Variants in KAT14 observed in about 807,000 individuals in gnomAD.
KAT14 encodes the protein cysteine-rich protein 2-binding protein.
A neutral mutation model predicts 78.4 loss-of-function variants in KAT14; 66 were observed. The observed-to-expected ratio is 0.84, with a 90% confidence interval of 0.69 to 1.03. KAT14 has a LOEUF of 1.03. Among genes scored for constraint, KAT14 ranks in the 50% least tolerant of loss-of-function variants. KAT14 has a pLI of 0.00. For synonymous variants in KAT14, 344 were observed against 359.4 expected (o/e 0.96, Z 0.48); for missense variants, 870 against 972.5 (o/e 0.89, Z 1.40).
intron 5 of KAT14, among the ~76,000 whole-genome samples, chr20:18,160,828 A>G (rs1034245539): frequency 2.6e-5 from 4 of 152,122 alleles, no homozygotes; most frequent in Admixed American, 6.5e-5. Context: ...TTTCTACATC[A>G]AAGGGCATAT....
At chr20:18,145,494 TGTGGAGAAGGGA>T in intron 3 of KAT14, 143 bp downstream of exon 3, 1 of 1,296,138 alleles carries the variant, frequency 7.7e-7, no homozygotes, top group Middle Eastern at 2.0e-4. Context: ...ATACCGAATA[TGTGGAGAAGGGA>T]GTGAAAAATA....
At chr20:18,173,233 A>G (rs954586694) in intron 7 of KAT14, among the ~76,000 whole-genome samples, 4 of 152,156 alleles carry the variant, frequency 2.6e-5, no homozygotes, top group Non-Finnish European at 5.9e-5. Flanking sequence ...AACCTTGTGG[A>G]GTGGAGTTTT....
Position 18,161,989 on chromosome 20 carries a change from G to C in KAT14, c.849G>C (p.Arg283Ser), listed in dbSNP as rs751147121. 4 of 1,614,120 alleles carry C rather than the reference G, an allele frequency of 2.5e-6. No homozygotes were observed. The Admixed American group carries it at 5.0e-5, about 20-fold the overall frequency. ...AGGAGGCCGCTGGCTTTCTTGACAG[G>C]AGCACATCTTCTACCCCTGTAAAAT... ...AQKEAAGFLD[R>S]STSSTPVKFI... Residue 283 changes from arginine to serine, a missense_variant, in exon 6 of 11, where the codon AGG (arginine) becomes AGC (serine). By Grantham distance (110) the Arg-to-Ser change is moderately radical. Transcript: ENST00000688188.
intron 7 of KAT14, among the ~76,000 whole-genome samples, chr20:18,166,621 T>G (rs2038650445): frequency 1.3e-5 from 2 of 152,228 alleles, no homozygotes; most frequent in South Asian, 4.1e-4. Flanking sequence ...GTCTGCCCCT[T>G]GGGTCACACT....
At chr20:18,138,507 T>A (rs532468785) in intron 1 of KAT14, 1 of 969,624 alleles carries the variant, frequency 1.0e-6, no homozygotes, top group Admixed American at 6.1e-5. Flanking sequence ...GGCCCAAGGT[T>A]GGGGTTAAAG....
intron 2 of KAT14, among the ~76,000 whole-genome samples, chr20:18,144,651 C>G (rs1223147166): frequency 6.6e-6 from 1 of 152,204 alleles, no homozygotes; most frequent in Non-Finnish European, 1.5e-5. Flanking sequence ...ACCTGAGGGA[C>G]TAAGAAATGT....
At position 18,155,129 on chromosome 20, in the gene KAT14, C is replaced by A. The variant is rs141479571; in HGVS notation, c.501-3955C>A. On this transcript the variant is annotated intron_variant, in intron 4 of 10. Coordinates refer to ENST00000688188, the MANE Select transcript of KAT14 (RefSeq NM_001392073.1). ...TGAACTCCTGACCTCAGGTGATCCA[C>A]CCGCCTGGCCTCCCAAAATGCTGAG... Among the ~76,000 whole-genome samples the A allele has an allele frequency of 2.0e-5, 3 of 152,292 alleles. No individual in the cohort carries two copies. The East Asian group carries it at 5.8e-4, about 29-fold the overall frequency.
chr20:18,147,774 T>C (rs1033964538), intron 3 of KAT14, among the ~76,000 whole-genome samples: 1 of 151,962 alleles, frequency 6.6e-6, no homozygotes, highest in Admixed American at 6.6e-5. Context: ...TTAGTAGAGA[T>C]GGGGTTTTGC....
intron 4 of KAT14, among the ~76,000 whole-genome samples, chr20:18,151,275 CA>C (rs2038028035): frequency 6.6e-6 from 1 of 152,126 alleles, no homozygotes; most frequent in African/African-American, 2.4e-5. Context: ...CGGCACACTG[CA>C]ACCGCCACCT....
At position 18,187,496 on chromosome 20, in the gene KAT14, G is replaced by A; in HGVS notation, c.*37G>A. On this transcript the variant is annotated 3_prime_UTR_variant, in exon 11 of 11. Transcript: ENST00000688188. Reference sequence around the variant, plus strand: ...CTCACAGAGAAACGCATGTGCTATTGGAGAACAGGTCTTTGTGGAGATCTA... The same window carrying A: ...CTCACAGAGAAACGCATGTGCTATTAGAGAACAGGTCTTTGTGGAGATCTA... 6.2e-7 allele frequency: 1 copy of A among 1,611,630 alleles called. No individual in the cohort carries two copies. Among genetic ancestry groups the A allele is most frequent in the Non-Finnish European group, 8.5e-7 (1 of 1,179,318 alleles).
chr20:18,145,563 C>T (rs1245510827), intron 3 of KAT14, among the ~76,000 whole-genome samples: 1 of 152,148 alleles, frequency 6.6e-6, no homozygotes, highest in African/African-American at 2.4e-5. Context: ...GGCAGATCAC[C>T]TGAGGTCAGG....
chr20:18,139,633 C>CGTGTGTGTGTGTGTGTGTGTGTGT (rs71194228), intron 1 of KAT14, among the ~76,000 whole-genome samples: 3 of 141,720 alleles, frequency 2.1e-5, no homozygotes, highest in Admixed American at 7.2e-5. Flanking sequence ...ACCAAAATAA[C>CGTGTGTGTGTGTGTGTGTGTGTGT]GTGTGTGTGT....
rs535857654 is a variant in KAT14, at chr20:18,137,931, A to G, written c.-574A>G. 14 of 1,474,798 alleles carry G rather than the reference A, an allele frequency of 9.5e-6. No homozygotes were observed. The East Asian group carries it at 3.2e-4, about 33-fold the overall frequency. 91.4% of individuals were successfully genotyped at this position (1,474,798 alleles called of 1,614,324 possible). On this transcript the variant is annotated 5_prime_UTR_variant, in exon 1 of 11. Coordinates refer to ENST00000688188, the MANE Select transcript of KAT14 (RefSeq NM_001392073.1). ...TCTGCGCCTCGGGCGGGCGGGAGAG[A>G]GAGGCCGCGGCCGCCAGCGTGGGGA...
At chr20:18,147,003 A>C (rs1040486702) in intron 3 of KAT14, among the ~76,000 whole-genome samples, 5 of 152,182 alleles carry the variant, frequency 3.3e-5, no homozygotes, top group African/African-American at 9.7e-5. Context: ...CTGACATTCT[A>C]TACTTAATTT....
Position 18,162,483 on chromosome 20 carries a change from G to C in KAT14, c.1206G>C (p.Lys402Asn). Reference sequence around the variant, plus strand: ...GGCCAGTGGTTGGGGTCAGAAAGAAGGTCAGAGGCCCTGAACAGATAAAGC... The same window carrying C: ...GGCCAGTGGTTGGGGTCAGAAAGAACGTCAGAGGCCCTGAACAGATAAAGC... ...ASGPVVGVRK[K>N]VRGPEQIKQE... The change falls in exon 7 of 11, where the codon AAG (lysine) becomes AAC (asparagine). Residue 402 changes from lysine to asparagine, a missense_variant. By Grantham distance (94) the Lys-to-Asn change is moderately conservative. Coordinates refer to ENST00000688188, the MANE Select transcript of KAT14 (RefSeq NM_001392073.1). 6.2e-7 allele frequency: 1 copy of C among 1,614,084 alleles called. No homozygotes were observed. The highest frequency in any genetic ancestry group is 2.2e-5 in the East Asian group (1 of 44,868).
intron 1 of KAT14, among the ~76,000 whole-genome samples, chr20:18,140,217 C>T (rs763120174): frequency 6.6e-6 from 1 of 151,754 alleles, no homozygotes; most frequent in Non-Finnish European, 1.5e-5. Flanking sequence ...GTGTAAGAAG[C>T]ACAGGACAGG....
At position 18,162,859 on chromosome 20, in the gene KAT14, A is replaced by G; in HGVS notation, c.1582A>G (p.Lys528Glu). 1 of 1,614,200 alleles carries G rather than the reference A, an allele frequency of 6.2e-7. No individual in the cohort carries two copies. The highest frequency in any genetic ancestry group is 8.5e-7 in the Non-Finnish European group (1 of 1,180,030). The change falls in exon 7 of 11, where the codon AAA becomes GAA. Residue 528 changes from lysine (K) to glutamate (E), a missense_variant. Coordinates refer to ENST00000688188, the MANE Select transcript of KAT14 (RefSeq NM_001392073.1). ...LLLVDGIYGA[K>E]EGGISRLPAG... ...GTTAGTTGACGGGATTTATGGAGCC[A>G]AAGAAGGAGGAATTTCCAGACTTCC...
rs529511785 is a variant in KAT14, at chr20:18,162,970, G to A, written c.1668+25G>A. The A allele has an allele frequency of 4.4e-6, 7 of 1,604,940 alleles. 1 individual carries two copies. In the South Asian group the frequency reaches 6.7e-5, roughly 15 times the overall value. ...GGTGAATGCAAGCACTTGCTGTAAAGCCCTTGGGGGCAGGAGTGGAGGTGG... is the reference window on the plus strand; with the variant it reads ...GGTGAATGCAAGCACTTGCTGTAAAACCCTTGGGGGCAGGAGTGGAGGTGG... On this transcript the variant is annotated intron_variant, in intron 7 of 10. Coordinates refer to ENST00000688188, the MANE Select transcript of KAT14 (RefSeq NM_001392073.1).
chr20:18,142,581 G>C lies in KAT14; in HGVS notation c.-80G>C. The C allele has an allele frequency of 6.3e-7, 1 of 1,575,448 alleles. No individual in the cohort carries two copies. ...TGGAAGAGTCTGTCTGGGTGATCCT[G>C]GTAGAAGCCCCATTAGGGTCACTGT... On this transcript the variant is annotated 5_prime_UTR_variant, in exon 2 of 11. Transcript: ENST00000688188.
Sources: allele counts gnomAD v4.1 joint callset (sites outside exome capture counted in the v4.1 genomes callset), GRCh38; gene constraint gnomAD v4.1.1; transcripts MANE v1.5; gene names NCBI Gene and HGNC (gene_info 2026-07-23, HGNC 2026-07-21).